The following CDKL5 variants were observed in gnomAD, a reference collection of about 807,000 sequenced individuals.
CDKL5 encodes the protein cyclin dependent kinase like 5, also known as cyclin-dependent kinase-like 5.
CDKL5 carries 8 observed loss-of-function variants against 61.7 expected under a neutral mutation model. That is an observed-to-expected ratio of 0.13 (90% CI 0.08 to 0.23). CDKL5 has a LOEUF of 0.23. Ranked by LOEUF, CDKL5 falls within the 10% of genes least tolerant of loss-of-function variation. CDKL5 has a pLI of 1.00. For missense variants in CDKL5, 440 were observed against 734.5 expected (o/e 0.60, Z 4.63); for synonymous variants, 275 against 272.3 (o/e 1.01, Z -0.10).
At chrX:18,626,673 T>G (rs1270530442) in intron 17 of CDKL5, 7 of 20,831 alleles carry the variant, frequency 3.4e-4, no homozygotes, top group Non-Finnish European at 6.0e-4. Flanking sequence ...TCTCTCTCTC[T>G]CTCTCTCTCT....
chrX:18,540,535 TG>T (rs1473123063), intron 3 of CDKL5, among the ~76,000 whole-genome samples: 1 of 111,947 alleles, frequency 8.9e-6, no homozygotes, highest in African/African-American at 3.2e-5. Context: ...AGGGTAAGTT[TG>T]CTAGCTACTT....
intron 10 of CDKL5, among the ~76,000 whole-genome samples, chrX:18,596,128 G>T (rs1044263025): frequency 8.9e-6 from 1 of 111,981 alleles, no homozygotes; most frequent in Non-Finnish European, 1.9e-5. Flanking sequence ...GACCTTCAAA[G>T]AACACTTATT....
chrX:18,489,525 C>A (rs1921915066), intron 1 of CDKL5, among the ~76,000 whole-genome samples: 1 of 110,753 alleles, frequency 9.0e-6, no homozygotes, highest in Admixed American at 9.7e-5. Context: ...ATAATAAGAA[C>A]CTTGGTCTCC....
intron 1 of CDKL5, among the ~76,000 whole-genome samples, chrX:18,461,982 A>C (rs1932298025): frequency 9.0e-6 from 1 of 111,550 alleles, no homozygotes; most frequent in Non-Finnish European, 1.9e-5. Flanking sequence ...AAGCTTATCC[A>C]ACCCGCGGTC....
chrX:18,648,849 G>A (rs1029162653), intron 20 of CDKL5, among the ~76,000 whole-genome samples: 4 of 110,314 alleles, frequency 3.6e-5, no homozygotes, highest in Non-Finnish European at 7.6e-5. Context: ...CAGTGCTTTG[G>A]GAGGATCACT....
chrX:18,518,385 C>CTTTTTTTTTTTTTTTTTTTT lies in CDKL5; in HGVS notation c.99+7533_99+7534insTTTTTTTTTTTTTTTTTTTT, dbSNP rs1195931109. On this transcript the variant is annotated intron_variant, in intron 3 of 17. Coordinates refer to ENST00000623535, the MANE Select transcript of CDKL5 (RefSeq NM_001323289.2). ...ATAAAGTCATGTTTTCTTTTCTTTT[C>CTTTTTTTTTTTTTTTTTTTT]TTATTTTTTTTTTTTTTTTTTTTTT... Among the ~76,000 whole-genome samples, 7 of 22,794 alleles carry CTTTTTTTTTTTTTTTTTTTT rather than the reference C, an allele frequency of 3.1e-4. 1 individual carries two copies. Among genetic ancestry groups the CTTTTTTTTTTTTTTTTTTTT allele is most frequent in the African/African-American group, 1.1e-3 (7 of 6,575 alleles). 19.8% of individuals were successfully genotyped at this position (22,794 alleles called of 115,157 possible). A position where few individuals can be genotyped will look rare whatever the true frequency, so the allele number is the denominator to read the frequency against.
intron 1 of CDKL5, among the ~76,000 whole-genome samples, chrX:18,479,635 G>A (rs1378825806): frequency 9.0e-6 from 1 of 111,163 alleles, no homozygotes; most frequent in East Asian, 2.8e-4. Flanking sequence ...TATTTCTTAA[G>A]TATTTTTTTC....
intron 1 of CDKL5, among the ~76,000 whole-genome samples, chrX:18,473,712 CTT>C (rs749380907): frequency 1.6e-4 from 16 of 97,414 alleles, no homozygotes; most frequent in Admixed American, 1.1e-4. Flanking sequence ...ACTTCTCTCT[CTT>C]TTTTTTTTTT....
intron 19 of CDKL5, among the ~76,000 whole-genome samples, chrX:18,645,197 C>CCTGAATGCTTTT (rs1452222362): frequency 9.0e-6 from 1 of 111,718 alleles, no homozygotes; most frequent in Non-Finnish European, 1.9e-5. Context: ...ATAGTAGTTC[C>CCTGAATGCTTTT]CCCCGCCACC....
chrX:18,615,275 C>T (rs1035211845), intron 15 of CDKL5, among the ~76,000 whole-genome samples: 1 of 112,057 alleles, frequency 8.9e-6, no homozygotes, highest in Non-Finnish European at 1.9e-5. Context: ...GTCATTAGTT[C>T]AACTTGACTC....
chrX:18,545,970 A>G (rs951017909), intron 3 of CDKL5, among the ~76,000 whole-genome samples: 1 of 111,678 alleles, frequency 9.0e-6, no homozygotes, highest in African/African-American at 3.3e-5. Flanking sequence ...TTAAATAGAC[A>G]TTTGGTAACA....
chrX:18,485,883 A>G (rs147529717), intron 1 of CDKL5, among the ~76,000 whole-genome samples: 1,552 of 111,328 alleles, frequency 0.014, 10 homozygotes, highest in South Asian at 0.023. Flanking sequence ...ACAATGTTTA[A>G]AATAGATTTT....
Position 18,518,180 on chromosome X carries a change from T to C in CDKL5, c.99+7326T>C, listed in dbSNP as rs1272721887. On this transcript the variant is annotated intron_variant, in intron 3 of 17. Coordinates refer to ENST00000623535, the MANE Select transcript of CDKL5 (RefSeq NM_001323289.2). ...TTTTTTTTTTGTTTTTAAAGTTACT[T>C]CCTATACTTAAAACACTGTGTTCTA... Among the ~76,000 whole-genome samples the C allele has an allele frequency of 2.8e-5, 3 of 108,907 alleles. No homozygotes were observed. In the East Asian group the frequency reaches 8.5e-4, roughly 31 times the overall value. 94.6% of individuals were successfully genotyped at this position (108,907 alleles called of 115,157 possible).
At chrX:18,547,818 CAT>C (rs1049831343) in intron 3 of CDKL5, among the ~76,000 whole-genome samples, 7 of 112,030 alleles carry the variant, frequency 6.2e-5, no homozygotes, top group African/African-American at 2.3e-4. Context: ...AAACTAGACA[CAT>C]GTTAGGAATA....
At chrX:18,538,585 A>G (rs750775361) in intron 3 of CDKL5, among the ~76,000 whole-genome samples, 1 of 111,540 alleles carries the variant, frequency 9.0e-6, no homozygotes, top group South Asian at 3.7e-4. Context: ...TCCATGATCT[A>G]TTTTGTCAAT....
chrX:18,577,004 CT>C (rs1479047402), intron 5 of CDKL5, among the ~76,000 whole-genome samples: 2 of 110,544 alleles, frequency 1.8e-5, no homozygotes, highest in Non-Finnish European at 3.8e-5. Flanking sequence ...TCAAGCAAAT[CT>C]TTCACATCAG....
rs1927263630 is a variant in CDKL5 at position 18,632,482 on chromosome X, CTT to C, written c.*3727_*3728del. The C allele has an allele frequency of 1.3e-6, 1 of 752,974 alleles. No homozygotes were observed. Among genetic ancestry groups the C allele is most frequent in the Non-Finnish European group, 1.6e-6 (1 of 639,190 alleles). The allele number at this position is 752,974 out of a possible 1,213,427, so 62.1% of individuals were successfully genotyped here. On this transcript the variant is annotated 3_prime_UTR_variant, in exon 18 of 18. Transcript: ENST00000623535. ...AGCTGTGTCTCCCGAAAGAAAATGT[CTT>C]TGTTTTTTATTCAAGTCATTTAATA... is the stretch of plus-strand genomic sequence containing the variant.
intron 1 of CDKL5, among the ~76,000 whole-genome samples, chrX:18,506,599 A>G (rs1005662755): frequency 8.9e-6 from 1 of 112,471 alleles, no homozygotes; most frequent in Non-Finnish European, 1.9e-5. Flanking sequence ...GCAGGTAGCT[A>G]AGTAGAATAT....
chrX:18,572,768 T>C (rs1247614884), intron 4 of CDKL5, among the ~76,000 whole-genome samples: 1 of 112,041 alleles, frequency 8.9e-6, no homozygotes, highest in Non-Finnish European at 1.9e-5. Flanking sequence ...AGGAAGAATG[T>C]ATTGATCACC....
Sources: allele counts gnomAD v4.1 joint callset (sites outside exome capture counted in the v4.1 genomes callset), GRCh38; gene constraint gnomAD v4.1.1; transcripts MANE v1.5; gene names NCBI Gene and HGNC (gene_info 2026-07-23, HGNC 2026-07-21).